The following ATP5PD variants were observed in gnomAD, a reference collection of about 807,000 sequenced individuals.
The protein encoded by ATP5PD is ATP synthase peripheral stalk subunit d.
In ATP5PD, 13 loss-of-function variants were observed where a neutral mutation model predicts 22.6. The ratio of observed to expected loss-of-function variants is 0.58; its 90% CI spans 0.37 to 0.91. The LOEUF (loss-of-function observed/expected upper bound fraction) is 0.91, where lower values mean the gene tolerates loss of function less well. Ranked by LOEUF, ATP5PD falls within the 40% of genes least tolerant of loss-of-function variation. The pLI, the probability that ATP5PD is intolerant of heterozygous loss-of-function variation, is 0.00. For synonymous variants in ATP5PD, 51 were observed against 65.0 expected, an observed-to-expected ratio of 0.79 and a Z score of 1.03; for missense variants, 165 against 188.0, an observed-to-expected ratio of 0.88 and a Z score of 0.72.
chr17:75,040,421 T>C, intron 3 of ATP5PD: 2 of 469,768 alleles, frequency 4.3e-6, no homozygotes, highest in Non-Finnish European at 3.8e-6. Flanking sequence ...CAATTCTTTA[T>C]GATGATAAGC....
At chr17:75,039,580 T>C in intron 4 of ATP5PD, 1 of 353,388 alleles carries the variant, frequency 2.8e-6, no homozygotes, top group Non-Finnish European at 5.2e-6. Context: ...ACACGCCACC[T>C]GAGCACCTAG....
chr17:75,042,289 GA>G lies in ATP5PD; in HGVS notation c.123-13del. The G allele has an allele frequency of 6.2e-7, 1 of 1,613,014 alleles. No individual in the cohort carries two copies. Among genetic ancestry groups the G allele is most frequent in the Admixed American group, 1.7e-5 (1 of 59,714 alleles). ...GTAAAGCAGCCAACCTGCCCACAAG[GA>G]AAGGCAAAAGTTAGGATTGTTCATA... On this transcript the variant is annotated splice_polypyrimidine_tract_variant and intron_variant, in intron 2 of 5. Coordinates refer to ENST00000301587, the MANE Select transcript of ATP5PD (RefSeq NM_006356.3).
chr17:75,042,494 G>A (rs373552679), intron 2 of ATP5PD, 35 bp downstream of exon 2: 33 of 1,595,984 alleles, frequency 2.1e-5, no homozygotes, highest in Non-Finnish European at 2.7e-5. Flanking sequence ...AGATTCAGTG[G>A]CAAGTATGGG....
chr17:75,043,687 ACT>A (rs762751308), intron 1 of ATP5PD, among the ~76,000 whole-genome samples: 5 of 151,260 alleles, frequency 3.3e-5, no homozygotes, highest in Non-Finnish European at 7.4e-5. Flanking sequence ...TAAAAATAAC[ACT>A]CTTATTGCAT....
chr17:75,044,584 C>T (rs2073194282), intron 1 of ATP5PD, among the ~76,000 whole-genome samples: 1 of 151,666 alleles, frequency 6.6e-6, no homozygotes, highest in Admixed American at 6.6e-5. Flanking sequence ...TCAGGTGATC[C>T]ACCCACCTCA....
chr17:75,039,324 G>A (rs2073134797), intron 4 of ATP5PD, 53 bp from the exon 5 acceptor site: 1 of 1,540,228 alleles, frequency 6.5e-7, no homozygotes, highest in East Asian at 2.2e-5. Context: ...TTCTACCCCA[G>A]CAGCTGCTAA....
At chr17:75,039,600 T>C (rs1283020253) in intron 4 of ATP5PD, 1 of 328,112 alleles carries the variant, frequency 3.0e-6, no homozygotes, top group Non-Finnish European at 5.6e-6. Context: ...GCCAGACTTC[T>C]CTCTGGTGGA....
chr17:75,040,447 T>G (rs2073147607), intron 3 of ATP5PD: 1 of 437,822 alleles, frequency 2.3e-6, no homozygotes, highest in African/African-American at 2.0e-5. Context: ...TTTCTTCATC[T>G]GAAAAGGACA....
At chr17:75,041,402 G>C (rs1410900559) in intron 3 of ATP5PD, 4 of 136,530 alleles carry the variant, frequency 2.9e-5, no homozygotes, top group African/African-American at 1.1e-4. Context: ...CCTGAGCCCA[G>C]AGTTTGAGAC....
In ATP5PD at chr17:75,039,325, C is replaced by G. The variant is rs2073134830; in HGVS notation, c.292-54G>C. 1.9e-6 allele frequency: 3 copies of G among 1,539,096 alleles called. No homozygotes were observed. In the Admixed American group the frequency reaches 5.0e-5, roughly 26 times the overall value. ...GAAACCAGGCTGCATTCTACCCCAGCAGCTGCTAAGGTAGGAGTCGTCCCA... is the reference window on the plus strand; with the variant it reads ...GAAACCAGGCTGCATTCTACCCCAGGAGCTGCTAAGGTAGGAGTCGTCCCA... On this transcript the variant is annotated intron_variant, in intron 4 of 5. Coordinates refer to ENST00000301587, the MANE Select transcript of ATP5PD (RefSeq NM_006356.3).
chr17:75,039,399 G>C (rs1024053530), intron 4 of ATP5PD, 128 bp from the exon 5 acceptor site: 3 of 775,400 alleles, frequency 3.9e-6, no homozygotes, highest in South Asian at 1.6e-5. Context: ...TGGTTACCCT[G>C]AGTGGGGGCG....
chr17:75,042,625 T>C lies in ATP5PD; in HGVS notation c.26A>G (p.Lys9Arg). 6.2e-7 allele frequency: 1 copy of C among 1,611,448 alleles called. No individual in the cohort carries two copies. The highest frequency in any genetic ancestry group is 8.5e-7 in the Non-Finnish European group (1 of 1,179,280). MAGRKLALKTIDWVAFAEI... is the reference protein window; with the variant it reads MAGRKLALRTIDWVAFAEI... ...TGCAAAAGCTACCCAGTCAATGGTT[T>C]TTAGAGCAAGTTTTCGCCCAGCCAT... Residue 9 changes from lysine to arginine, a missense_variant, in exon 2 of 6, where the codon AAA (lysine) becomes AGA (arginine). Lys to Arg is a conservative substitution (Grantham distance 26). Transcript: ENST00000301587.
At chr17:75,039,112 C>G (rs1443619628) in intron 5 of ATP5PD, 49 bp from the exon 6 acceptor site, 2 of 1,612,188 alleles carry the variant, frequency 1.2e-6, no homozygotes, top group Non-Finnish European at 1.7e-6. Flanking sequence ...AGACGGAAAG[C>G]AGAATATCCA....
chr17:75,043,673 T>C (rs1324214551), intron 1 of ATP5PD, among the ~76,000 whole-genome samples: 1 of 148,592 alleles, frequency 6.7e-6, no homozygotes, highest in African/African-American at 2.5e-5. Context: ...TCTGGAAAAA[T>C]TACTAAAAAT....
Position 75,040,183 on chromosome 17 carries a change from G to A in ATP5PD, c.220-20C>T, listed in dbSNP as rs1229157020. On this transcript the variant is annotated intron_variant, in intron 3 of 5. Coordinates refer to ENST00000301587, the MANE Select transcript of ATP5PD (RefSeq NM_006356.3). ...ATTAAACTACAAACACAAGGGCACG[G>A]GAACCTTCAGCGCATTAAACTACAA... 1 of 1,612,064 alleles carries A rather than the reference G, an allele frequency of 6.2e-7. No individual in the cohort carries two copies. The highest frequency in any genetic ancestry group is 1.7e-5 in the Admixed American group (1 of 59,958).
intron 1 of ATP5PD, among the ~76,000 whole-genome samples, chr17:75,043,027 G>C (rs1236827635): frequency 6.6e-6 from 1 of 152,138 alleles, no homozygotes; most frequent in Admixed American, 6.5e-5. Flanking sequence ...TTCGAGACCA[G>C]CATGGCCAAC....
intron 4 of ATP5PD, 66 bp from the exon 5 acceptor site, chr17:75,039,337 T>C (rs1460082779): frequency 3.4e-6 from 5 of 1,458,540 alleles, no homozygotes; most frequent in Non-Finnish European, 4.8e-6. Context: ...GCTGCTAAGG[T>C]AGGAGTCGTC....
At chr17:75,039,334 A>G in intron 4 of ATP5PD, 63 bp from the exon 5 acceptor site, 1 of 1,474,470 alleles carries the variant, frequency 6.8e-7, no homozygotes, top group Non-Finnish European at 9.5e-7. Context: ...GCAGCTGCTA[A>G]GGTAGGAGTC....
At position 75,040,158 on chromosome 17, in the gene ATP5PD, A is replaced by C. The variant is rs747640765; in HGVS notation, c.225T>G (p.Asn75Lys). Residue 75 changes from asparagine (N) to lysine (K), a missense_variant, in exon 4 of 6, where the codon AAT becomes AAG. Asn to Lys is a moderately conservative substitution (Grantham distance 94, BLOSUM62 0). Coordinates refer to ENST00000301587, the MANE Select transcript of ATP5PD (RefSeq NM_006356.3). ...CCTCTGGCACGGGAACCTTCAGCGC[A>C]TTAAACTACAAACACAAGGGCACGG... ...GLVDDFEKKF[N>K]ALKVPVPEDK... The C allele has an allele frequency of 2.5e-6, 4 of 1,611,518 alleles. No homozygotes were observed. Among genetic ancestry groups the C allele is most frequent in the African/African-American group, 1.3e-5 (1 of 74,894 alleles).
Sources: gnomAD v4.1 joint callset for allele counts (sites outside exome capture counted in the v4.1 genomes callset) on GRCh38, gnomAD v4.1.1 for gene constraint, MANE v1.5 for transcripts, NCBI Gene and HGNC (gene_info 2026-07-23, HGNC 2026-07-21) for gene names.